The following DNAAF5 variants were observed in gnomAD, a reference collection of about 807,000 sequenced individuals.
DNAAF5 encodes dynein axonemal assembly factor 5.
A neutral mutation model predicts 75.8 loss-of-function variants in DNAAF5; 64 were observed. The observed-to-expected ratio is 0.84, with a 90% CI of 0.69 to 1.04. DNAAF5 has a LOEUF of 1.04. Ranked by LOEUF, DNAAF5 falls within the 50% of genes least tolerant of loss-of-function variation. DNAAF5 has a pLI of 0.00. For synonymous variants in DNAAF5, 657 were observed against 557.2 expected (o/e 1.18, Z -2.52); for missense variants, 1,269 against 1,178.5 (o/e 1.08, Z -1.12).
At position 726,931 on chromosome 7, in the gene DNAAF5, G is replaced by A. The variant is rs1239588226; in HGVS notation, c.211G>A (p.Gly71Ser). The A allele has an allele frequency of 1.5e-6, 2 of 1,341,778 alleles. No homozygotes were observed. 83.1% of individuals were successfully genotyped at this position (1,341,778 alleles called of 1,614,324 possible). A position where few individuals can be genotyped will look rare whatever the true frequency, so the allele number is the denominator to read the frequency against. The part of the protein sequence containing the change: ...GPAADPTAFQ[G>S]PWARLLLPRL... ...TGCCGCCGACCCCACCGCTTTCCAG[G>A]GCCCCTGGGCGCGCCTACTGCTGCC... The change falls in exon 1 of 13, where the codon GGC becomes AGC. Residue 71 changes from glycine (G) to serine (S), a missense_variant. By Grantham distance (56) the Gly-to-Ser change is moderately conservative. Coordinates refer to ENST00000297440, the MANE Select transcript of DNAAF5 (RefSeq NM_017802.4).
intron 8 of DNAAF5, 148 bp from the exon 9 acceptor site, chr7:770,323 C>G: frequency 1.5e-6 from 1 of 656,776 alleles, no homozygotes; most frequent in African/African-American, 1.8e-5. Context: ...GTGATAATCA[C>G]CTTACTGATT....
At chr7:778,932 C>G (rs139518413) in intron 11 of DNAAF5, among the ~76,000 whole-genome samples, 662 of 152,382 alleles carry the variant, frequency 4.3e-3, no homozygotes, top group Non-Finnish European at 6.7e-3. Flanking sequence ...GGGTTTGGCA[C>G]CATAATGCCT....
chr7:774,192 A>C lies in DNAAF5; in HGVS notation c.2076A>C (p.Ala692=). The C allele has an allele frequency of 6.2e-7, 1 of 1,607,040 alleles. No individual in the cohort carries two copies. Among genetic ancestry groups the C allele is most frequent in the Non-Finnish European group, 8.5e-7 (1 of 1,179,092 alleles). Residue 692 remains alanine, a synonymous_variant, in exon 10 of 13, where the codon GCA becomes GCC. Coordinates refer to ENST00000297440, the MANE Select transcript of DNAAF5 (RefSeq NM_017802.4). The part of the protein sequence containing the change: ...WALTSSEVLS[A]EQIRDVQETL... ...TCACCAGCAGCGAGGTCCTGTCGGC[A>C]GAGCAGGTACGGGGCTCCCTGCGTG...
chr7:775,044 G>T lies in DNAAF5; in HGVS notation c.2121G>T (p.Leu707=), dbSNP rs1778713245. Residue 707 remains leucine (L), a synonymous_variant, in exon 11 of 13, where the codon CTG becomes CTT. Transcript: ENST00000297440. ...AGGAAACACTGATGCCCCAGGTCCT[G>T]ACCACCCTGGAGGAGGATTCGAAGA... ...DVQETLMPQV[L]TTLEEDSKMT... is the part of the protein sequence containing the mutation. 3.1e-6 allele frequency: 5 copies of T among 1,613,922 alleles called. No individual in the cohort carries two copies. Among genetic ancestry groups the T allele is most frequent in the Non-Finnish European group, 4.2e-6 (5 of 1,179,912 alleles).
Position 726,996 on chromosome 7 carries a change from C to T in DNAAF5, c.276C>T (p.Cys92=). The T allele has an allele frequency of 7.9e-7, 1 of 1,260,316 alleles. No homozygotes were observed. The highest frequency in any genetic ancestry group is 1.0e-6 in the Non-Finnish European group (1 of 998,056). The allele number at this position is 1,260,316 out of a possible 1,614,324, so 78.1% of individuals were successfully genotyped here. Residue 92 remains cysteine, a synonymous_variant, in exon 1 of 13, where the codon TGC becomes TGT. Transcript: ENST00000297440. ...GCCTGAGCGACCCCGCCGAGGGCTG[C>T]CGCGCGCTGGCAGTGCACCTGCTGG... The part of the protein sequence containing the change: ...LRCLSDPAEG[C]RALAVHLLDL...
In DNAAF5 at chr7:756,794, G is replaced by T. The variant is rs141828030; in HGVS notation, c.1270G>T (p.Ala424Ser). ...AAVVQSCTRS[A>S]ELVGTFVSPE... ...TTCTTTCTCGCAGTGTACCAGATCC[G>T]CAGAGCTCGTCGGGACGTTTGTCAG... The change falls in exon 6 of 13, where the codon GCA becomes TCA. Residue 424 changes from alanine to serine, a missense_variant. By Grantham distance (99) the Ala-to-Ser change is moderately conservative (BLOSUM62 1). Coordinates refer to ENST00000297440, the MANE Select transcript of DNAAF5 (RefSeq NM_017802.4). 1.2e-6 allele frequency: 2 copies of T among 1,613,738 alleles called. No individual in the cohort carries two copies. The highest frequency in any genetic ancestry group is 1.7e-5 in the Admixed American group (1 of 60,026).
chr7:762,293 C>G (rs997988364), intron 7 of DNAAF5, among the ~76,000 whole-genome samples: 4 of 152,126 alleles, frequency 2.6e-5, no homozygotes, highest in African/African-American at 9.7e-5. Flanking sequence ...TGAGACCAGC[C>G]TGACCAACAT....
chr7:770,193 C>T (rs1469946632), intron 8 of DNAAF5, among the ~76,000 whole-genome samples: 1 of 152,152 alleles, frequency 6.6e-6, no homozygotes, highest in Non-Finnish European at 1.5e-5. Flanking sequence ...CTCAGGTGAT[C>T]CTCCCTCCTT....
chr7:739,505 G>A (rs919031168), intron 2 of DNAAF5, among the ~76,000 whole-genome samples: 1 of 152,228 alleles, frequency 6.6e-6, no homozygotes, highest in African/African-American at 2.4e-5. Flanking sequence ...TGTATTTGTG[G>A]TTGCTAGTAA....
chr7:758,764 C>T (rs970976075), intron 6 of DNAAF5, among the ~76,000 whole-genome samples: 5 of 152,052 alleles, frequency 3.3e-5, no homozygotes, highest in Non-Finnish European at 2.9e-5. Flanking sequence ...CTCACTGCAG[C>T]CTCCGCCTCC....
At chr7:732,493 G>A in intron 2 of DNAAF5, 1 of 455,440 alleles carries the variant, frequency 2.2e-6, no homozygotes, top group Non-Finnish European at 4.4e-6. Flanking sequence ...TGTGCTGCTG[G>A]TGAGGCCACC....
chr7:757,279 G>C (rs555730723), intron 6 of DNAAF5, among the ~76,000 whole-genome samples: 1 of 150,224 alleles, frequency 6.7e-6, no homozygotes, highest in African/African-American at 2.5e-5. Context: ...GGCCGCTCAC[G>C]TTTACATTCG....
At chr7:758,792 C>T (rs553865916) in intron 6 of DNAAF5, among the ~76,000 whole-genome samples, 1 of 152,178 alleles carries the variant, frequency 6.6e-6, no homozygotes, top group African/African-American at 2.4e-5. Context: ...AAGCGATTCT[C>T]CTGCCTCAGC....
In DNAAF5 at chr7:727,397, C is replaced by A. The variant is rs1781373696; in HGVS notation, c.595+82C>A. On this transcript the variant is annotated intron_variant, in intron 1 of 12. Transcript: ENST00000297440. ...ACCTCCGCGGCCCCTCTCACAACCC[C>A]CGCGGCTCGGCCCCGCCCCCCTCCA... The A allele has an allele frequency of 1.8e-5, 14 of 786,598 alleles. 1 individual carries two copies. In the South Asian group the frequency reaches 7.5e-4, roughly 42 times the overall value. 48.7% of individuals were successfully genotyped at this position (786,598 alleles called of 1,614,324 possible). A position where few individuals can be genotyped will look rare whatever the true frequency, so the allele number is the denominator to read the frequency against.
chr7:761,296 G>A (rs566144739), intron 6 of DNAAF5, among the ~76,000 whole-genome samples: 21 of 152,380 alleles, frequency 1.4e-4, no homozygotes, highest in Admixed American at 3.9e-4. Flanking sequence ...GCTGCCCCTC[G>A]TGAGCCGTAG....
rs200529005 is a variant in DNAAF5 at position 739,679 on chromosome 7, C to A, written c.781-1140C>A. Among the ~76,000 whole-genome samples, 4 of 152,324 alleles carry A rather than the reference C, an allele frequency of 2.6e-5. No homozygotes were observed. The East Asian group carries it at 7.7e-4, about 29-fold the overall frequency. ...CTTGTGTGAACTTGCCCTCCCCTCA[C>A]GGGACCTTAGTGACGAGCCCTGTCA... On this transcript the variant is annotated intron_variant, in intron 2 of 12. Coordinates refer to ENST00000297440, the MANE Select transcript of DNAAF5 (RefSeq NM_017802.4).
At chr7:746,754 G>A (rs1324919650) in intron 4 of DNAAF5, among the ~76,000 whole-genome samples, 1 of 152,096 alleles carries the variant, frequency 6.6e-6, no homozygotes, top group Non-Finnish European at 1.5e-5. Context: ...ACCCTTCAGG[G>A]CTGCAGCTCT....
intron 4 of DNAAF5, among the ~76,000 whole-genome samples, chr7:749,343 A>G (rs1782217737): frequency 6.6e-6 from 1 of 152,214 alleles, no homozygotes; most frequent in South Asian, 2.1e-4. Context: ...GCCTGAGCGT[A>G]AAGGAAAGCG....
rs1043623833 is a variant in DNAAF5, at chr7:777,109, C to G, written c.2239+1947C>G. Among the ~76,000 whole-genome samples, 6 of 152,196 alleles carry G rather than the reference C, an allele frequency of 3.9e-5. No homozygotes were observed. The East Asian group carries it at 9.6e-4, about 24-fold the overall frequency. On this transcript the variant is annotated intron_variant, in intron 11 of 12. Coordinates refer to ENST00000297440, the MANE Select transcript of DNAAF5 (RefSeq NM_017802.4). Reference sequence around the variant, plus strand: ...AAACAAGCTCAGGCCCCCACTGATTCTACAGGATGATGAGTTGTAGAATTA... The same window carrying G: ...AAACAAGCTCAGGCCCCCACTGATTGTACAGGATGATGAGTTGTAGAATTA...
Sources: allele counts gnomAD v4.1 joint callset (sites outside exome capture counted in the v4.1 genomes callset), GRCh38; gene constraint gnomAD v4.1.1; transcripts MANE v1.5; gene names NCBI Gene and HGNC (gene_info 2026-07-23, HGNC 2026-07-21).